The following TJAP1 variants were observed in gnomAD, a reference collection of about 807,000 sequenced individuals.
The protein encoded by TJAP1 is tight junction-associated protein 1.
TJAP1 carries 27 observed loss-of-function variants against 42.0 expected under a neutral mutation model. That is an observed-to-expected ratio of 0.64 (90% CI 0.47 to 0.89). The LOEUF (loss-of-function observed/expected upper bound fraction) is 0.89. Ranked by LOEUF, TJAP1 falls within the 40% of genes least tolerant of loss-of-function variation. The pLI is 0.00. For synonymous variants in TJAP1, 257 were observed against 288.4 expected (o/e 0.89, Z 1.10); for missense variants, 712 against 726.9 (o/e 0.98, Z 0.24).
intron 2 of TJAP1, among the ~76,000 whole-genome samples, chr6:43,480,892 A>G (rs538879043): frequency 7.5e-4 from 114 of 152,332 alleles, no homozygotes; most frequent in African/African-American, 2.6e-3. Context: ...ATGGAGGCAG[A>G]GTGGTTAAGT....
chr6:43,487,946 T>G (rs1786918941), intron 2 of TJAP1, among the ~76,000 whole-genome samples: 1 of 150,728 alleles, frequency 6.6e-6, no homozygotes, highest in South Asian at 2.2e-4. Context: ...CTCGGCTCAC[T>G]GCAACCTCCA....
At chr6:43,503,645 A>T in exon 10 of TJAP1, 1 of 1,614,136 alleles carries the variant, frequency 6.2e-7, no homozygotes, top group East Asian at 2.2e-5. Context: ...CTGGACTGCA[A>T]CCTGGCTGTA....
intron 2 of TJAP1, chr6:43,478,760 T>G (rs977108376): frequency 6.6e-6 from 1 of 152,220 alleles, no homozygotes; most frequent in Non-Finnish European, 1.5e-5. Flanking sequence ...ATGTGGATTT[T>G]GGTGGGGGTA....
chr6:43,500,497 T>C, intron 4 of TJAP1: 2 of 520,486 alleles, frequency 3.8e-6, no homozygotes, highest in Non-Finnish European at 3.5e-6. Context: ...TGAAAATGGC[T>C]TTAGGATTGG....
At position 43,488,114 on chromosome 6, in the gene TJAP1, C is replaced by T. The variant is rs181190205; in HGVS notation, c.-121-9767C>T. 2.8e-3 allele frequency among the ~76,000 whole-genome samples: 427 copies of T among 152,294 alleles called. 1 individual carries two copies. The highest frequency in any genetic ancestry group is 5.2e-3 in the Admixed American group (80 of 15,298). Reference sequence around the variant, plus strand: ...CTTGAATTCCTGACCTCAGGTGATCCGCCTGCCTCAGCTTCCCAAAGTGCT... The same window carrying T: ...CTTGAATTCCTGACCTCAGGTGATCTGCCTGCCTCAGCTTCCCAAAGTGCT... On this transcript the variant is annotated intron_variant, in intron 2 of 10. Transcript: ENST00000372449.
intron 2 of TJAP1, among the ~76,000 whole-genome samples, chr6:43,493,012 A>G (rs769154528): frequency 1.3e-5 from 2 of 152,290 alleles, no homozygotes; most frequent in African/African-American, 4.8e-5. Context: ...GGCTTTAGGA[A>G]GGGCTTGTAT....
At chr6:43,502,311 C>T (rs760095732) in exon 7 of TJAP1, 55 of 1,613,680 alleles carry the variant, frequency 3.4e-5, no homozygotes, top group Admixed American at 6.7e-5. Flanking sequence ...GGCTTCCCAG[C>T]GGACCAACCA....
At chr6:43,504,594 G>C in intron 10 of TJAP1, 167 bp from the exon 11 acceptor site, 1 of 875,200 alleles carries the variant, frequency 1.1e-6, no homozygotes, top group Non-Finnish European at 1.8e-6. Context: ...CCAGGCCTAT[G>C]TGTCTGTGAA....
chr6:43,500,123 G>A (rs901773782), intron 4 of TJAP1, among the ~76,000 whole-genome samples: 1 of 152,198 alleles, frequency 6.6e-6, no homozygotes, highest in Admixed American at 6.5e-5. Flanking sequence ...GCGATAGCAG[G>A]GGCCTACTCT....
chr6:43,491,447 C>T lies in TJAP1; in HGVS notation c.-121-6434C>T, dbSNP rs1195600986. ...CTGGGATTACAGGCATGCGCCACCA[C>T]GCCCGGCTCATTTTGTATTTTTAGT... On this transcript the variant is annotated intron_variant, in intron 2 of 10. Transcript: ENST00000372449. This position sits in a 1 kb window ranked among gnomAD's most constrained non-coding sequence, Gnocchi z 4.6. Among the ~76,000 whole-genome samples the T allele has an allele frequency of 3.3e-5, 5 of 152,052 alleles. No homozygotes were observed. The highest frequency in any genetic ancestry group is 9.7e-5 in the African/African-American group (4 of 41,382).
In TJAP1 at chr6:43,484,050, G is replaced by C. The variant is rs367736200; in HGVS notation, c.-122+5818G>C. ...CCATTGCACTCCAGAATGGGTGACA[G>C]AGCCAGACCCAATCTCTAAAAAAAT... On this transcript the variant is annotated intron_variant, in intron 2 of 10. Transcript: ENST00000372449. 4.6e-5 allele frequency among the ~76,000 whole-genome samples: 7 copies of C among 151,650 alleles called. No individual in the cohort carries two copies. The East Asian group carries it at 1.2e-3, about 25-fold the overall frequency.
chr6:43,501,791 GTC>G (rs200597423), intron 6 of TJAP1, 104 bp downstream of exon 6: 6 of 601,854 alleles, frequency 1.0e-5, no homozygotes, highest in South Asian at 6.9e-5. Context: ...CTGTGTCTCT[GTC>G]TCTCTCCTTT....
chr6:43,477,994 A>C (rs1462268452), intron 1 of TJAP1, 93 bp from the exon 2 acceptor site: 1 of 152,390 alleles, frequency 6.6e-6, no homozygotes, highest in Non-Finnish European at 1.5e-5. Context: ...GGATCTTTCT[A>C]GTAGAGTGGG....
rs750835466 is a variant in TJAP1, at chr6:43,505,828, C to T, written c.1647C>T (p.Ala549=). Residue 549 remains alanine (A), a synonymous_variant, in exon 11 of 11, where the codon GCC becomes GCT. Transcript: ENST00000372449. This position sits in a 1 kb window ranked among gnomAD's most constrained non-coding sequence, Gnocchi z 5.5. ...ACCGCAAGGACAGCCTGACCCAGGC[C>T]CAGGAGCAGGGCAACCTGCTCAACT... 9.4e-6 allele frequency: 14 copies of T among 1,488,476 alleles called. No homozygotes were observed. The South Asian group carries it at 1.7e-4, about 18-fold the overall frequency. 92.2% of individuals were successfully genotyped at this position (1,488,476 alleles called of 1,614,324 possible). A position where few individuals can be genotyped will look rare whatever the true frequency, so the allele number is the denominator to read the frequency against.
chr6:43,498,433 C>T (rs1344697052), intron 3 of TJAP1, among the ~76,000 whole-genome samples: 3 of 151,872 alleles, frequency 2.0e-5, no homozygotes, highest in Admixed American at 6.6e-5. Flanking sequence ...GCTTGTGGTC[C>T]GAGCTACACA....
At chr6:43,502,510 C>T (rs753288103) in intron 7 of TJAP1, 78 bp from the exon 8 acceptor site, 5 of 1,533,526 alleles carry the variant, frequency 3.3e-6, no homozygotes, top group Non-Finnish European at 3.5e-6. Context: ...TCAAGACTGT[C>T]TTAATGCTCA....
intron 2 of TJAP1, among the ~76,000 whole-genome samples, chr6:43,494,972 C>T (rs1788784715): frequency 6.6e-6 from 1 of 152,248 alleles, no homozygotes; most frequent in South Asian, 2.1e-4. Flanking sequence ...CAGAGGCTGT[C>T]CTTGGCTGCC....
intron 2 of TJAP1, among the ~76,000 whole-genome samples, chr6:43,481,199 T>C (rs1785231946): frequency 6.6e-6 from 1 of 152,140 alleles, no homozygotes; most frequent in Admixed American, 6.5e-5. Flanking sequence ...TAGTAACTGG[T>C]GCATGGGCTG....
intron 6 of TJAP1, among the ~76,000 whole-genome samples, chr6:43,502,047 G>GACACACACAC (rs563635573): frequency 2.7e-4 from 6 of 22,268 alleles, no homozygotes; most frequent in African/African-American, 7.3e-4. Flanking sequence ...GGAATGCGGG[G>GACACACACAC]ACACACACAC....
Sources: gnomAD v4.1 joint callset for allele counts (sites outside exome capture counted in the v4.1 genomes callset) on GRCh38, gnomAD v4.1.1 for gene constraint, Gnocchi (gnomAD v3.1) non-coding constraint, MANE v1.5 for transcripts, NCBI Gene and HGNC (gene_info 2026-07-23, HGNC 2026-07-21) for gene names.